Variants in USP13 observed in about 807,000 individuals in gnomAD.
The protein encoded by USP13 is ubiquitin specific peptidase 13.
A neutral mutation model predicts 107.8 loss-of-function variants in USP13; 68 were observed. The observed-to-expected ratio is 0.63, with a 90% CI of 0.52 to 0.77. The LOEUF is 0.77. USP13 is among the 30% of genes least tolerant of loss of function. USP13 has a pLI of 0.00. For synonymous variants in USP13, 377 were observed against 389.5 expected (o/e 0.97, Z 0.38); for missense variants, 945 against 1,093.3 (o/e 0.86, Z 1.91).
chr3:179,737,581 G>A (rs528441354), intron 10 of USP13, among the ~76,000 whole-genome samples: 1 of 152,302 alleles, frequency 6.6e-6, no homozygotes, highest in South Asian at 2.1e-4. Context: ...TGTATATACA[G>A]GTAGTAAAAT....
intron 10 of USP13, among the ~76,000 whole-genome samples, chr3:179,733,320 C>T (rs1372724587): frequency 1.3e-5 from 2 of 152,144 alleles, no homozygotes; most frequent in African/African-American, 2.4e-5. Context: ...GGTCCAGCAT[C>T]GGTAATATTT....
intron 1 of USP13, among the ~76,000 whole-genome samples, chr3:179,680,671 T>A (rs1026543870): frequency 1.3e-5 from 2 of 151,826 alleles, no homozygotes; most frequent in Admixed American, 1.3e-4. Flanking sequence ...GCCTACCGAG[T>A]AGCTGGGATT....
intron 2 of USP13, among the ~76,000 whole-genome samples, chr3:179,685,165 AT>A (rs59176156): frequency 0.26 from 38,320 of 147,704 alleles, 5,473 homozygotes; most frequent in African/African-American, 0.38. Flanking sequence ...ATTTTGTTAG[AT>A]TTTTTTTTTA....
intron 6 of USP13, among the ~76,000 whole-genome samples, chr3:179,714,800 T>TA (rs1713048985): frequency 6.6e-6 from 1 of 152,164 alleles, no homozygotes; most frequent in African/African-American, 2.4e-5. Context: ...TTTTTACTCT[T>TA]ACCTGTTTTC....
intron 1 of USP13, among the ~76,000 whole-genome samples, chr3:179,657,648 C>T (rs867221925): frequency 6.7e-6 from 1 of 149,616 alleles, no homozygotes; most frequent in Non-Finnish European, 1.5e-5. Flanking sequence ...CCTGTAGTCC[C>T]AGCTACTCGG....
intron 3 of USP13, among the ~76,000 whole-genome samples, chr3:179,696,872 A>C (rs545740634): frequency 6.6e-5 from 10 of 152,186 alleles, no homozygotes; most frequent in Non-Finnish European, 1.3e-4. Context: ...TCATAATGTG[A>C]TTCTGCCCTA....
At chr3:179,779,692 AAGTC>A (rs1173384498) in intron 19 of USP13, among the ~76,000 whole-genome samples, 3 of 151,300 alleles carry the variant, frequency 2.0e-5, no homozygotes, top group Non-Finnish European at 4.4e-5. Context: ...AATCTGTTGA[AAGTC>A]AGCCTTTGAC....
Position 179,678,471 on chromosome 3 carries a change from G to A in USP13, c.169-3407G>A, listed in dbSNP as rs983604134. On this transcript the variant is annotated intron_variant, in intron 1 of 20. Coordinates refer to ENST00000263966, the MANE Select transcript of USP13 (RefSeq NM_003940.3). The surrounding 1 kb of genome is among the most constrained non-coding windows in gnomAD (Gnocchi z 4.2). ...CTATATTATAATTATAAGCTTTTTT[G>A]GATGCTATTTTTTTTTTTTGAGACA... Among the ~76,000 whole-genome samples the A allele has an allele frequency of 7.1e-6, 1 of 141,036 alleles. No individual in the cohort carries two copies. Among genetic ancestry groups the A allele is most frequent in the Non-Finnish European group, 1.5e-5 (1 of 64,542 alleles). The allele number at this position is 141,036 out of a possible 152,430, so 92.5% of individuals were successfully genotyped here.
At chr3:179,765,963 A>T in intron 19 of USP13, 115 bp downstream of exon 19, 1 of 1,087,680 alleles carries the variant, frequency 9.2e-7, no homozygotes, top group African/African-American at 1.6e-5. Context: ...GTTAGCACAG[A>T]TCCCATCTTC....
Position 179,765,830 on chromosome 3 carries a change from G to T in USP13, c.2395G>T (p.Val799Phe). The T allele has an allele frequency of 6.2e-7, 1 of 1,614,162 alleles. No individual in the cohort carries two copies. Among genetic ancestry groups the T allele is most frequent in the Non-Finnish European group, 8.5e-7 (1 of 1,180,024 alleles). The change falls in exon 19 of 21, where the codon GTC (valine) becomes TTC (phenylalanine). Residue 799 changes from valine (V) to phenylalanine (F), a missense_variant. Coordinates refer to ENST00000263966, the MANE Select transcript of USP13 (RefSeq NM_003940.3). The part of the protein sequence containing the change: ...ISEAKPEGPR[V>F]KDGSGTYELF... Reference sequence around the variant, plus strand: ...TGAGGCCAAGCCCGAAGGACCTAGAGTCAAGGATGGATCTGGAAGTAAGTT... The same window carrying T: ...TGAGGCCAAGCCCGAAGGACCTAGATTCAAGGATGGATCTGGAAGTAAGTT...
intron 6 of USP13, among the ~76,000 whole-genome samples, chr3:179,713,696 C>T (rs1019608508): frequency 6.6e-6 from 1 of 151,952 alleles, no homozygotes; most frequent in Non-Finnish European, 1.5e-5. Context: ...TGTTTATGTC[C>T]GCTTGACCAG....
intron 3 of USP13, among the ~76,000 whole-genome samples, chr3:179,693,334 A>T (rs565265550): frequency 6.6e-6 from 1 of 152,058 alleles, no homozygotes; most frequent in Admixed American, 6.5e-5. Flanking sequence ...AATTTTTTTT[A>T]AAGTGATGGG....
At chr3:179,748,951 T>C (rs1372662408) in intron 13 of USP13, among the ~76,000 whole-genome samples, 1 of 152,188 alleles carries the variant, frequency 6.6e-6, no homozygotes, top group Non-Finnish European at 1.5e-5. Flanking sequence ...AGATAAGCCA[T>C]GTAAAGTGCT....
At chr3:179,758,461 C>G (rs894794081) in intron 16 of USP13, among the ~76,000 whole-genome samples, 4 of 152,032 alleles carry the variant, frequency 2.6e-5, no homozygotes, top group Admixed American at 2.0e-4. Context: ...GAAAATAAAA[C>G]TATCTGTCAT....
intron 1 of USP13, among the ~76,000 whole-genome samples, chr3:179,654,357 G>C (rs1720189548): frequency 1.3e-5 from 2 of 152,112 alleles, no homozygotes; most frequent in Non-Finnish European, 2.9e-5. Context: ...ACTGACATGC[G>C]CAAGTATAAA....
chr3:179,728,889 G>A (rs953026858), intron 8 of USP13, among the ~76,000 whole-genome samples: 2 of 145,622 alleles, frequency 1.4e-5, no homozygotes, highest in African/African-American at 2.6e-5. Flanking sequence ...GGCTGAGGCA[G>A]GAGAATCAGG....
At position 179,764,182 on chromosome 3, in the gene USP13, ACT is replaced by A. The variant is rs750774934; in HGVS notation, c.2259+15_2259+16del. 6.5e-7 allele frequency: 1 copy of A among 1,541,386 alleles called. No individual in the cohort carries two copies. On this transcript the variant is annotated intron_variant, in intron 18 of 20. Coordinates refer to ENST00000263966, the MANE Select transcript of USP13 (RefSeq NM_003940.3). ...CTACGAGCAACGGTGAGCATGAGAG[ACT>A]GTGTGTGTGTGTGTGTGTGTGTGTG...
intron 19 of USP13, among the ~76,000 whole-genome samples, chr3:179,774,460 A>C (rs1436386871): frequency 2.6e-5 from 4 of 152,158 alleles, no homozygotes; most frequent in South Asian, 4.1e-4. Flanking sequence ...CGCTGGCTTC[A>C]GGAGTGAAGC....
intron 19 of USP13, among the ~76,000 whole-genome samples, chr3:179,779,776 C>T (rs1162945358): frequency 6.7e-6 from 1 of 150,294 alleles, no homozygotes; most frequent in Non-Finnish European, 1.5e-5. Context: ...ACTCTGGCAG[C>T]TATGGTGAGA....
Sources: gnomAD v4.1 joint callset for allele counts (sites outside exome capture counted in the v4.1 genomes callset) on GRCh38, gnomAD v4.1.1 for gene constraint, Gnocchi (gnomAD v3.1) non-coding constraint, MANE v1.5 for transcripts, NCBI Gene and HGNC (gene_info 2026-07-23, HGNC 2026-07-21) for gene names.